The following SLC25A43 variants were observed in gnomAD, a reference collection of about 807,000 sequenced individuals.
SLC25A43 encodes the protein solute carrier family 25 member 43, also known as solute carrier family 25, member 43.
A neutral mutation model predicts 22.8 loss-of-function variants in SLC25A43; 10 were observed. That is an observed-to-expected ratio of 0.44 (90% confidence interval 0.27 to 0.74). The LOEUF (loss-of-function observed/expected upper bound fraction) is 0.74. Among genes scored for constraint, SLC25A43 ranks in the 30% least tolerant of loss-of-function variants. SLC25A43 has a pLI of 0.17. For synonymous variants in SLC25A43, 106 were observed against 121.6 expected, an observed-to-expected ratio of 0.87 and a Z score of 0.84; for missense variants, 233 against 279.1, an observed-to-expected ratio of 0.83 and a Z score of 1.18.
chrX:119,403,677 A>G (rs900953657), intron 1 of SLC25A43, among the ~76,000 whole-genome samples: 3 of 112,097 alleles, frequency 2.7e-5, no homozygotes, highest in Admixed American at 9.4e-5. Flanking sequence ...AGAGGGAGGA[A>G]CGAGGAAGTG....
At chrX:119,424,430 G>T (rs1007602345) in intron 3 of SLC25A43, among the ~76,000 whole-genome samples, 1 of 110,428 alleles carries the variant, frequency 9.1e-6, no homozygotes, top group Non-Finnish European at 1.9e-5. Flanking sequence ...AAGTGGCGAA[G>T]CTGGGACTTG....
At chrX:119,411,223 G>A (rs995088842) in intron 3 of SLC25A43, among the ~76,000 whole-genome samples, 4 of 111,579 alleles carry the variant, frequency 3.6e-5, no homozygotes, top group African/African-American at 9.8e-5. Context: ...GCATCAGGCC[G>A]GGCACGGTGG....
chrX:119,427,579 G>C (rs1053425649), intron 3 of SLC25A43, among the ~76,000 whole-genome samples: 6 of 112,458 alleles, frequency 5.3e-5, no homozygotes, highest in Non-Finnish European at 9.4e-5. Flanking sequence ...TCACAGGACA[G>C]AAAGGTTCAT....
At chrX:119,451,919 G>T (rs774228428) in intron 3 of SLC25A43, 90 bp from the exon 4 acceptor site, 45 of 1,190,462 alleles carry the variant, frequency 3.8e-5, no homozygotes, top group Non-Finnish European at 5.0e-5. Context: ...CCAGCATCCA[G>T]AATGTAGACT....
chrX:119,415,790 G>C (rs898543188), intron 3 of SLC25A43, among the ~76,000 whole-genome samples: 6 of 108,730 alleles, frequency 5.5e-5, no homozygotes, highest in Non-Finnish European at 1.1e-4. Flanking sequence ...ATCACTTGAG[G>C]CTAGGAGTTC....
chrX:119,431,516 G>GAAAAAA (rs11411959), intron 3 of SLC25A43, among the ~76,000 whole-genome samples: 1 of 88,891 alleles, frequency 1.1e-5, no homozygotes, highest in African/African-American at 4.1e-5. Context: ...GTCTCCAACA[G>GAAAAAA]AAAAAAAAAA....
chrX:119,407,730 A>G (rs1396322451), intron 2 of SLC25A43, among the ~76,000 whole-genome samples: 23 of 110,514 alleles, frequency 2.1e-4, no homozygotes, highest in African/African-American at 7.6e-4. Context: ...CAAATTCAAG[A>G]TTAACCCTGA....
chrX:119,453,175 G>A lies in SLC25A43; in HGVS notation c.*110G>A. On this transcript the variant is annotated 3_prime_UTR_variant, in exon 5 of 5. Transcript: ENST00000217909. ...GGATGAGAAGCTACTGCTATCTGCT[G>A]CTCTGGGAAATGAGATGGTTTGGCC... The A allele has an allele frequency of 1.5e-6, 1 of 672,762 alleles. No homozygotes were observed. 55.4% of individuals were successfully genotyped at this position (672,762 alleles called of 1,213,427 possible). A position where few individuals can be genotyped will look rare whatever the true frequency, so the allele number is the denominator to read the frequency against.
chrX:119,451,103 C>T (rs1479952342), intron 3 of SLC25A43, among the ~76,000 whole-genome samples: 1 of 111,493 alleles, frequency 9.0e-6, no homozygotes, highest in Non-Finnish European at 1.9e-5. Flanking sequence ...GTGGAGGCTG[C>T]AGTGAGCCGA....
At chrX:119,428,137 T>C (rs769521697) in intron 3 of SLC25A43, among the ~76,000 whole-genome samples, 2 of 112,152 alleles carry the variant, frequency 1.8e-5, no homozygotes, top group Middle Eastern at 4.6e-3. Context: ...TACACTCTTC[T>C]GTGCCCTGTT....
At chrX:119,435,471 TTTTTTTTTTTA>T (rs1456147818) in intron 3 of SLC25A43, among the ~76,000 whole-genome samples, 1 of 62,380 alleles carries the variant, frequency 1.6e-5, no homozygotes, top group African/African-American at 5.5e-5. Context: ...TTTTTTTTTT[TTTTTTTTTTTA>T]TTATACTCTA....
At chrX:119,441,625 T>G (rs1032717032) in intron 3 of SLC25A43, among the ~76,000 whole-genome samples, 2 of 111,454 alleles carry the variant, frequency 1.8e-5, no homozygotes, top group African/African-American at 6.5e-5. Flanking sequence ...TTTTTGTGGT[T>G]GATTTGGATT....
At chrX:119,417,343 T>A (rs1042432772) in intron 3 of SLC25A43, among the ~76,000 whole-genome samples, 1 of 110,563 alleles carries the variant, frequency 9.0e-6, no homozygotes, top group Non-Finnish European at 1.9e-5. Context: ...GGAGAATCAC[T>A]TAAACCTGGG....
intron 3 of SLC25A43, among the ~76,000 whole-genome samples, chrX:119,431,728 G>A (rs984828509): frequency 9.0e-6 from 1 of 111,334 alleles, no homozygotes; most frequent in African/African-American, 3.3e-5. Context: ...AATGAAGAGT[G>A]AAAGATCCTG....
chrX:119,414,696 A>G (rs759754059), intron 3 of SLC25A43, among the ~76,000 whole-genome samples: 12 of 109,948 alleles, frequency 1.1e-4, no homozygotes, highest in Non-Finnish European at 1.5e-4. Flanking sequence ...CCATGATCCT[A>G]TGACTATTCA....
intron 3 of SLC25A43, among the ~76,000 whole-genome samples, chrX:119,426,816 T>TC (rs2052510104): frequency 1.0e-5 from 1 of 96,349 alleles, no homozygotes; most frequent in Admixed American, 1.1e-4. Context: ...AAACTCTATT[T>TC]AAAAAAAAAA....
intron 3 of SLC25A43, among the ~76,000 whole-genome samples, chrX:119,428,125 C>G (rs747846229): frequency 8.0e-5 from 9 of 111,968 alleles, no homozygotes; most frequent in Non-Finnish European, 1.5e-4. Context: ...CAGCACACTA[C>G]ATACACTCTT....
chrX:119,442,524 A>G (rs189844575), intron 3 of SLC25A43, among the ~76,000 whole-genome samples: 154 of 112,261 alleles, frequency 1.4e-3, no homozygotes, highest in African/African-American at 4.8e-3. Context: ...CATTAGCAGG[A>G]GGAACTTGAA....
intron 2 of SLC25A43, among the ~76,000 whole-genome samples, chrX:119,409,298 A>C (rs1391333257): frequency 9.2e-6 from 1 of 109,129 alleles, no homozygotes; most frequent in Non-Finnish European, 1.9e-5. Flanking sequence ...CTCGTGCCTC[A>C]GCCTCCCAAG....
Sources: allele counts gnomAD v4.1 joint callset (sites outside exome capture counted in the v4.1 genomes callset), GRCh38; gene constraint gnomAD v4.1.1; transcripts MANE v1.5; gene names NCBI Gene and HGNC (gene_info 2026-07-23, HGNC 2026-07-21).